STON1: variants seen among roughly 807,000 people sequenced by gnomAD.
STON1 encodes stonin-1.
A neutral mutation model predicts 60.9 loss-of-function variants in STON1; 79 were observed. The ratio of observed to expected loss-of-function variants is 1.30; its 90% CI spans 1.08 to 1.56. STON1 has a LOEUF of 1.56. Ranked by LOEUF, STON1 falls within the 40% of genes most tolerant of loss-of-function variation. The probability of loss-of-function intolerance (pLI) is 0.00; values close to 1 mark genes in which losing one functional copy is unlikely to be tolerated. For missense variants in STON1, 1,166 were observed against 858.9 expected (o/e 1.36, Z -4.47); for synonymous variants, 363 against 306.9 (o/e 1.18, Z -1.91).
At chr2:48,530,859 G>C (rs1016803648) in intron 1 of STON1, 2 of 152,250 alleles carry the variant, frequency 1.3e-5, no homozygotes, top group African/African-American at 2.4e-5. Flanking sequence ...ATTGGGGTTG[G>C]GTCCCTTGGA....
Position 48,595,436 on chromosome 2 carries a change from G to A in STON1, c.*134G>A. ...AGGACAGGTCTGATGGCTGTGTTTAGAGAAGTTTAGACCTAAAACCGAACA... is the reference window on the plus strand; with the variant it reads ...AGGACAGGTCTGATGGCTGTGTTTAAAGAAGTTTAGACCTAAAACCGAACA... On this transcript the variant is annotated 3_prime_UTR_variant, in exon 4 of 4. Transcript: ENST00000404752. 1.4e-6 allele frequency: 1 copy of A among 712,282 alleles called. No homozygotes were observed. The highest frequency in any genetic ancestry group is 2.0e-5 in the South Asian group (1 of 51,036). The allele number at this position is 712,282 out of a possible 1,614,324, so 44.1% of individuals were successfully genotyped here.
intron 1 of STON1, among the ~76,000 whole-genome samples, chr2:48,579,369 C>T (rs1346787074): frequency 1.3e-5 from 2 of 151,670 alleles, no homozygotes; most frequent in Non-Finnish European, 2.9e-5. Context: ...AGTGCAGTGG[C>T]GCATTTGTGG....
chr2:48,597,041 C>T lies in STON1; in HGVS notation c.*1739C>T, dbSNP rs1357794783. On this transcript the variant is annotated 3_prime_UTR_variant, in exon 4 of 4. Transcript: ENST00000404752. The stretch of plus-strand genomic sequence containing the variant: ...AATTCTTTTGTATTTTTACTACAGA[C>T]GGAGTTTCCCCATGTTGGCCGGGCT... 2 of 152,024 alleles carry T rather than the reference C, an allele frequency of 1.3e-5. No homozygotes were observed. Among genetic ancestry groups the T allele is most frequent in the African/African-American group, 2.4e-5 (1 of 41,362 alleles). 9.4% of individuals were successfully genotyped at this position (152,024 alleles called of 1,614,324 possible). A position where few individuals can be genotyped will look rare whatever the true frequency, so the allele number is the denominator to read the frequency against.
In STON1 at chr2:48,584,189, C is replaced by A. The variant is rs577880970; in HGVS notation, c.1930+1626C>A. On this transcript the variant is annotated intron_variant, in intron 2 of 3. Transcript: ENST00000404752. ...GTCCTTCAGAGAAATTTAAGCTCAT[C>A]TAGGCCCCTCCAGGCTGTGGACTTC... Among the ~76,000 whole-genome samples the A allele has an allele frequency of 2.6e-5, 4 of 152,296 alleles. No individual in the cohort carries two copies. In the South Asian group the frequency reaches 8.3e-4, roughly 32 times the overall value.
intron 1 of STON1, among the ~76,000 whole-genome samples, chr2:48,555,188 C>A (rs1300265579): frequency 9.7e-6 from 1 of 103,108 alleles, no homozygotes; most frequent in Non-Finnish European, 2.0e-5. Context: ...TCCCGCCTTT[C>A]TATTCCACAA....
chr2:48,569,710 C>G (rs1673105219), intron 1 of STON1, among the ~76,000 whole-genome samples: 3 of 152,146 alleles, frequency 2.0e-5, no homozygotes, highest in African/African-American at 7.2e-5. Context: ...TTTTTCCATA[C>G]CAGTGCTTCT....
intron 1 of STON1, among the ~76,000 whole-genome samples, chr2:48,572,392 G>C (rs1673258120): frequency 6.6e-6 from 1 of 152,204 alleles, no homozygotes; most frequent in Non-Finnish European, 1.5e-5. Flanking sequence ...TCCTATGGAA[G>C]AGTCCTGGAC....
chr2:48,565,624 C>G (rs930925632), intron 1 of STON1, among the ~76,000 whole-genome samples: 15 of 152,106 alleles, frequency 9.9e-5, no homozygotes, highest in Admixed American at 4.6e-4. Flanking sequence ...AGACACAGTT[C>G]TAGAAAAAGA....
Position 48,591,948 on chromosome 2 carries a change from G to A in STON1, c.2133+93G>A, listed in dbSNP as rs553580425. On this transcript the variant is annotated intron_variant, in intron 3 of 3. Transcript: ENST00000404752. ...GATCGTGTATGTGTTGTGTGTGTGT[G>A]TATATGTGTGGTGAGATTTGCCCTA... The A allele has an allele frequency of 1.2e-4, 172 of 1,452,622 alleles. 2 individuals carry two copies. The South Asian group carries it at 2.1e-3, about 18-fold the overall frequency. 90.0% of individuals were successfully genotyped at this position (1,452,622 alleles called of 1,614,324 possible).
At chr2:48,562,160 C>T (rs1237778660) in intron 1 of STON1, among the ~76,000 whole-genome samples, 3 of 152,192 alleles carry the variant, frequency 2.0e-5, no homozygotes, top group African/African-American at 7.2e-5. Flanking sequence ...CGCACCTGGC[C>T]TCATGTTACT....
Position 48,580,985 on chromosome 2 carries a change from G to A in STON1, c.352G>A (p.Gly118Arg), listed in dbSNP as rs368698079. 5.1e-6 allele frequency: 8 copies of A among 1,573,514 alleles called. No individual in the cohort carries two copies. The African/African-American group carries it at 1.1e-4, about 21-fold the overall frequency. Reference protein sequence around the residue: ...SSSDSPLAISGGESSLLPTRP... With the variant: ...SSSDSPLAISRGESSLLPTRP... ...TTCAGACAGCCCACTCGCAATATCA[G>A]GAGGAGAATCTTCCTTACTGCCTAC... is the stretch of plus-strand genomic sequence containing the variant. Residue 118 changes from glycine (G) to arginine (R), a missense_variant, in exon 2 of 4, where the codon GGA becomes AGA. By Grantham distance (125) the Gly-to-Arg change is moderately radical (BLOSUM62 -2). Transcript: ENST00000404752.
intron 1 of STON1, among the ~76,000 whole-genome samples, chr2:48,570,965 C>T (rs917759872): frequency 4.7e-5 from 7 of 149,062 alleles, no homozygotes; most frequent in East Asian, 2.0e-4. Flanking sequence ...TGGGCTCAAG[C>T]GATTCTCCTG....
chr2:48,535,450 G>A (rs1671385875), intron 1 of STON1, among the ~76,000 whole-genome samples: 1 of 152,016 alleles, frequency 6.6e-6, no homozygotes, highest in Admixed American at 6.6e-5. Context: ...GCAGCTCCTG[G>A]GATCACTCAT....
chr2:48,547,350 G>A (rs1375362684), intron 1 of STON1, among the ~76,000 whole-genome samples: 1 of 152,180 alleles, frequency 6.6e-6, no homozygotes, highest in Non-Finnish European at 1.5e-5. Context: ...ACCATGGAGT[G>A]TGTTCATGAC....
At chr2:48,586,597 G>C (rs1156922704) in intron 2 of STON1, among the ~76,000 whole-genome samples, 1 of 152,180 alleles carries the variant, frequency 6.6e-6, no homozygotes, top group Non-Finnish European at 1.5e-5. Context: ...AGGTGTGTGG[G>C]TGGGGGATCT....
At chr2:48,576,498 CT>C (rs35460615) in intron 1 of STON1, among the ~76,000 whole-genome samples, 25,039 of 143,718 alleles carry the variant, frequency 0.17, 2,090 homozygotes, top group African/African-American at 0.2. Flanking sequence ...CCATATTATC[CT>C]TTTTTTTTTT....
rs145689585 is a variant in STON1 at position 48,580,619 on chromosome 2, A to C, written c.-15A>C. On this transcript the variant is annotated 5_prime_UTR_variant, in exon 2 of 4. Coordinates refer to ENST00000404752, the MANE Select transcript of STON1 (RefSeq NM_006873.4). ...CTATTTGATTTCTTGACAAGACCAC[A>C]ATCTGATCCCAAAGATGTGCTCCAC... is the stretch of plus-strand genomic sequence containing the variant. 2 of 1,340,274 alleles carry C rather than the reference A, an allele frequency of 1.5e-6. No homozygotes were observed. Among genetic ancestry groups the C allele is most frequent in the African/African-American group, 3.0e-5 (2 of 66,784 alleles). The allele number at this position is 1,340,274 out of a possible 1,614,324, so 83.0% of individuals were successfully genotyped here.
Position 48,595,342 on chromosome 2 carries a change from A to ATGGGGC in STON1, c.*42_*43insGGGCTG. On this transcript the variant is annotated 3_prime_UTR_variant, in exon 4 of 4. Coordinates refer to ENST00000404752, the MANE Select transcript of STON1 (RefSeq NM_006873.4). ...TATGATGACAGCCCACTTGTCAAAT[A>ATGGGGC]TGTAATTCACCGAAACCACACCAAG... 6.4e-7 allele frequency: 1 copy of ATGGGGC among 1,563,054 alleles called. No homozygotes were observed. Among genetic ancestry groups the ATGGGGC allele is most frequent in the Non-Finnish European group, 8.8e-7 (1 of 1,135,042 alleles).
At chr2:48,578,844 G>A (rs972747661) in intron 1 of STON1, among the ~76,000 whole-genome samples, 4 of 151,828 alleles carry the variant, frequency 2.6e-5, no homozygotes, top group Non-Finnish European at 5.9e-5. Flanking sequence ...ACCCACCTTG[G>A]CCTCCCAAAG....
Sources: allele counts gnomAD v4.1 joint callset (sites outside exome capture counted in the v4.1 genomes callset), GRCh38; gene constraint gnomAD v4.1.1; transcripts MANE v1.5; gene names NCBI Gene and HGNC (gene_info 2026-07-23, HGNC 2026-07-21).